The following GBE1 variants were observed in gnomAD, a reference collection of about 807,000 sequenced individuals.
GBE1 encodes 1,4-alpha-glucan branching enzyme 1.
In GBE1, 70 loss-of-function variants were observed where a neutral mutation model predicts 88.8. The observed-to-expected ratio is 0.79, with a 90% CI of 0.65 to 0.96. GBE1 has a LOEUF of 0.96. Ranked by LOEUF, GBE1 falls within the 40% of genes least tolerant of loss-of-function variation. The probability of loss-of-function intolerance (pLI) is 0.00; values close to 1 mark genes in which losing one functional copy is unlikely to be tolerated. For synonymous variants in GBE1, 284 were observed against 300.1 expected, an observed-to-expected ratio of 0.95 and a Z score of 0.56; for missense variants, 872 against 871.0, an observed-to-expected ratio of 1.00 and a Z score of -0.01.
At chr3:81,547,665 CTCTT>C (rs1210538204) in intron 12 of GBE1, among the ~76,000 whole-genome samples, 30 of 146,888 alleles carry the variant, frequency 2.0e-4, no homozygotes, top group African/African-American at 6.8e-4. Flanking sequence ...CTCTCTCTCT[CTCTT>C]TCTCCCTCTG....
intron 7 of GBE1, among the ~76,000 whole-genome samples, chr3:81,634,832 G>A (rs1704570544): frequency 6.6e-6 from 1 of 152,130 alleles, no homozygotes. Flanking sequence ...AGGAACATGT[G>A]GCAGGGAAGC....
At chr3:81,702,444 T>C (rs906368458) in intron 2 of GBE1, among the ~76,000 whole-genome samples, 1 of 152,014 alleles carries the variant, frequency 6.6e-6, no homozygotes, top group Admixed American at 6.6e-5. Flanking sequence ...TCCTTTCTTC[T>C]AAAAAAAGAA....
At chr3:81,583,924 G>A (rs1477509775) in intron 10 of GBE1, among the ~76,000 whole-genome samples, 3 of 151,978 alleles carry the variant, frequency 2.0e-5, no homozygotes, top group Non-Finnish European at 4.4e-5. Flanking sequence ...GAGCATACCA[G>A]ATCTCACTGT....
intron 3 of GBE1, among the ~76,000 whole-genome samples, chr3:81,662,915 A>T (rs957162710): frequency 1.1e-4 from 17 of 152,178 alleles, no homozygotes; most frequent in African/African-American, 4.1e-4. Flanking sequence ...CATATAAGAA[A>T]CGGAAGGAAG....
At chr3:81,601,728 G>A (rs1483271337) in intron 7 of GBE1, among the ~76,000 whole-genome samples, 1 of 152,096 alleles carries the variant, frequency 6.6e-6, no homozygotes, top group Non-Finnish European at 1.5e-5. Flanking sequence ...TCTATTAGTT[G>A]TGATTTTCTC....
chr3:81,632,840 C>T (rs952842015), intron 7 of GBE1, among the ~76,000 whole-genome samples: 2 of 152,114 alleles, frequency 1.3e-5, no homozygotes, highest in Non-Finnish European at 2.9e-5. Flanking sequence ...TCTAACAATG[C>T]CCAGAGGGAC....
intron 2 of GBE1, among the ~76,000 whole-genome samples, chr3:81,673,521 T>C (rs533124222): frequency 1.3e-5 from 2 of 152,080 alleles, no homozygotes; most frequent in South Asian, 4.1e-4. Context: ...CAATGATATG[T>C]GAAATTTAGA....
intron 1 of GBE1, among the ~76,000 whole-genome samples, chr3:81,758,971 A>G (rs1706640938): frequency 6.6e-6 from 1 of 152,176 alleles, no homozygotes; most frequent in Non-Finnish European, 1.5e-5. Flanking sequence ...ATAGTAAGTA[A>G]GTCTCACGAG....
intron 2 of GBE1, among the ~76,000 whole-genome samples, chr3:81,688,895 T>C (rs1170520215): frequency 1.3e-5 from 2 of 151,874 alleles, no homozygotes; most frequent in African/African-American, 4.8e-5. Context: ...CTATTATGTA[T>C]ATAAACTATA....
chr3:81,546,084 T>A (rs978347081), intron 12 of GBE1, among the ~76,000 whole-genome samples: 1 of 152,112 alleles, frequency 6.6e-6, no homozygotes, highest in Non-Finnish European at 1.5e-5. Context: ...TTAAACTTTA[T>A]TATAGTTATA....
intron 7 of GBE1, among the ~76,000 whole-genome samples, chr3:81,625,254 G>A (rs1426355649): frequency 2.0e-5 from 3 of 152,106 alleles, no homozygotes; most frequent in Non-Finnish European, 4.4e-5. Context: ...ACTACTGATA[G>A]CTTCTTCTCA....
chr3:81,538,972 GATGACAGTAGAAGCAGCAGCAC>G (rs1164748181), intron 12 of GBE1, among the ~76,000 whole-genome samples: 1 of 151,938 alleles, frequency 6.6e-6, no homozygotes, highest in Non-Finnish European at 1.5e-5. Flanking sequence ...TTGTCATCAC[GATGACAGTAGAAGCAGCAGCAC>G]ATGCTTAATT....
intron 12 of GBE1, among the ~76,000 whole-genome samples, chr3:81,561,895 G>A (rs1470920631): frequency 6.6e-6 from 1 of 152,054 alleles, no homozygotes. Context: ...GATCAGCATG[G>A]AGGTGAAACG....
intron 7 of GBE1, among the ~76,000 whole-genome samples, chr3:81,636,222 G>A (rs1704589757): frequency 6.6e-6 from 1 of 152,114 alleles, no homozygotes. Flanking sequence ...GAATTTTGAA[G>A]CTAACTCTAC....
At chr3:81,670,643 A>AAC (rs1705176791) in intron 3 of GBE1, among the ~76,000 whole-genome samples, 195 bp downstream of exon 3, 2 of 152,160 alleles carry the variant, frequency 1.3e-5, no homozygotes. Context: ...TTGGTTCCTT[A>AAC]CCAGCCAAAC....
At chr3:81,609,014 C>T (rs1704138437) in intron 7 of GBE1, among the ~76,000 whole-genome samples, 2 of 152,094 alleles carry the variant, frequency 1.3e-5, no homozygotes, top group Non-Finnish European at 1.5e-5. Context: ...GGAAAAGTAA[C>T]TAAAACGAAT....
At chr3:81,686,154 C>T (rs1705435047) in intron 2 of GBE1, among the ~76,000 whole-genome samples, 1 of 152,222 alleles carries the variant, frequency 6.6e-6, no homozygotes, top group East Asian at 1.9e-4. Flanking sequence ...CTTGGTAAGA[C>T]AATTGTTTGG....
At chr3:81,604,230 T>A (rs1704071752) in intron 7 of GBE1, among the ~76,000 whole-genome samples, 1 of 151,918 alleles carries the variant, frequency 6.6e-6, no homozygotes, top group Admixed American at 6.6e-5. Context: ...AAATTAATAA[T>A]GTACATAGAA....
chr3:81,761,569 G>A lies in GBE1; in HGVS notation c.-52C>T. On this transcript the variant is annotated 5_prime_UTR_variant, in exon 1 of 16. Coordinates refer to ENST00000429644, the MANE Select transcript of GBE1 (RefSeq NM_000158.4). The stretch of plus-strand genomic sequence containing the variant: ...GCCCGAGAGGTCGAGTGGGGCCTGA[G>A]CGGGCGCTGGAGCTCTAGCTGGGAC... 1 of 1,558,354 alleles carries A rather than the reference G, an allele frequency of 6.4e-7. No homozygotes were observed. Among genetic ancestry groups the A allele is most frequent in the Non-Finnish European group, 8.7e-7 (1 of 1,154,670 alleles).
Sources: gnomAD v4.1 joint callset for allele counts (sites outside exome capture counted in the v4.1 genomes callset) on GRCh38, gnomAD v4.1.1 for gene constraint, MANE v1.5 for transcripts, NCBI Gene and HGNC (gene_info 2026-07-23, HGNC 2026-07-21) for gene names.